The following ODAD2 variants were observed in gnomAD, a reference collection of about 807,000 sequenced individuals.
ODAD2 encodes outer dynein arm-docking complex subunit 2.
ODAD2 carries 89 observed loss-of-function variants against 106.8 expected under a neutral mutation model. That is an observed-to-expected ratio of 0.83 (90% CI 0.70 to 0.99). The LOEUF (loss-of-function observed/expected upper bound fraction) is 0.99, where lower values mean the gene tolerates loss of function less well. Among genes scored for constraint, ODAD2 ranks in the 50% least tolerant of loss-of-function variants. The probability of loss-of-function intolerance (pLI) is 0.00; values close to 1 mark genes in which losing one functional copy is unlikely to be tolerated. For synonymous variants in ODAD2, 404 were observed against 436.2 expected (o/e 0.93, Z 0.92); for missense variants, 1,168 against 1,238.5 (o/e 0.94, Z 0.85).
At chr10:27,871,706 T>C (rs1258037058) in intron 17 of ODAD2, among the ~76,000 whole-genome samples, 2 of 152,184 alleles carry the variant, frequency 1.3e-5, no homozygotes, top group African/African-American at 4.8e-5. Context: ...TTCTGTTCCA[T>C]TGGTCTATAT....
intron 17 of ODAD2, among the ~76,000 whole-genome samples, chr10:27,865,464 A>G (rs1564443250): frequency 2.0e-5 from 3 of 152,074 alleles, no homozygotes; most frequent in African/African-American, 7.2e-5. Flanking sequence ...GCTGCCAACT[A>G]AGGTATGCTC....
Position 27,971,265 on chromosome 10 carries a change from T to C in ODAD2, c.985A>G (p.Lys329Glu), listed in dbSNP as rs1330553597. Reference sequence around the variant, plus strand: ...GCTGCTTCTTCCTTCTTGGGGGCTTTGCCAAGCTGATCCTTTTCCTTTTGC... The same window carrying C: ...GCTGCTTCTTCCTTCTTGGGGGCTTCGCCAAGCTGATCCTTTTCCTTTTGC... ...DQQKEKDQLG[K>E]APKKEEAAAL... The change falls in exon 8 of 20, where the codon AAA (lysine) becomes GAA (glutamate). Residue 329 changes from lysine to glutamate, a missense_variant. This residue lies in a region of ODAD2 where 430 missense variants were observed against 452.2 expected (regional missense o/e 0.95). Coordinates refer to ENST00000305242, the MANE Select transcript of ODAD2 (RefSeq NM_018076.5). The C allele has an allele frequency of 3.1e-6, 5 of 1,613,518 alleles. No individual in the cohort carries two copies. Among genetic ancestry groups the C allele is most frequent in the Non-Finnish European group, 3.4e-6 (4 of 1,179,736 alleles).
chr10:27,982,204 G>A (rs1849596211), intron 6 of ODAD2, among the ~76,000 whole-genome samples: 1 of 151,684 alleles, frequency 6.6e-6, no homozygotes, highest in South Asian at 2.1e-4. Flanking sequence ...ATAACTATAT[G>A]TATATAAATA....
intron 6 of ODAD2, among the ~76,000 whole-genome samples, chr10:27,982,751 G>A (rs768438930): frequency 1.3e-5 from 2 of 152,186 alleles, no homozygotes; most frequent in Non-Finnish European, 2.9e-5. Flanking sequence ...TTGTTTCTGA[G>A]TTCCAAATTT....
chr10:27,931,960 C>T (rs533212807), intron 16 of ODAD2, among the ~76,000 whole-genome samples: 1 of 152,048 alleles, frequency 6.6e-6, no homozygotes, highest in East Asian at 1.9e-4. Flanking sequence ...ACCTAACCTA[C>T]TGAACATCAT....
rs374041665 is a variant in ODAD2 at position 27,971,003 on chromosome 10, TAAATAAACAAAC to T, written c.1142+93_1142+104del. ...ATAAATAAATAAATAAATAAATAAA[TAAATAAACAAAC>T]AAACAAAATAAAATAAAATAAAGTT... is the stretch of plus-strand genomic sequence containing the variant. On this transcript the variant is annotated intron_variant, in intron 8 of 19. Transcript: ENST00000305242. The T allele has an allele frequency of 0.018, 7,628 of 430,402 alleles. 328 individuals carry two copies. Among genetic ancestry groups the T allele is most frequent in the Admixed American group, 0.087 (1,800 of 20,748 alleles). The allele number at this position is 430,402 out of a possible 1,614,324, so 26.7% of individuals were successfully genotyped here. A position where few individuals can be genotyped will look rare whatever the true frequency, so the allele number is the denominator to read the frequency against.
intron 3 of ODAD2, among the ~76,000 whole-genome samples, chr10:27,986,513 C>A (rs1849882674): frequency 6.6e-6 from 1 of 152,122 alleles, no homozygotes; most frequent in Non-Finnish European, 1.5e-5. Context: ...TTGATACCCT[C>A]GCCTAATAAG....
intron 17 of ODAD2, among the ~76,000 whole-genome samples, chr10:27,900,980 C>T (rs1161679886): frequency 2.6e-5 from 4 of 152,074 alleles, no homozygotes; most frequent in African/African-American, 2.4e-5. Flanking sequence ...AAAGATACTC[C>T]TCGAGAAGAA....
Position 27,936,768 on chromosome 10 carries a change from C to T in ODAD2, c.2210G>A (p.Gly737Glu), listed in dbSNP as rs1473999696. 2.5e-6 allele frequency: 4 copies of T among 1,613,932 alleles called. No homozygotes were observed. The highest frequency in any genetic ancestry group is 3.4e-6 in the Non-Finnish European group (4 of 1,179,934). ...GCTGATGGAACATTTCCATATAGCC[C>T]CTGTGACAGCAGCTAACCGCTCTTT... The part of the protein sequence containing the change: ...DNKERLAAVT[G>E]AIWKCSISKE... Residue 737 changes from glycine (G) to glutamate (E), a missense_variant, in exon 15 of 20, where the codon GGG (glycine) becomes GAG (glutamate). By Grantham distance (98) the Gly-to-Glu change is moderately conservative. Coordinates refer to ENST00000305242, the MANE Select transcript of ODAD2 (RefSeq NM_018076.5).
chr10:27,958,431 G>A (rs1847883405), intron 10 of ODAD2, among the ~76,000 whole-genome samples: 1 of 152,154 alleles, frequency 6.6e-6, no homozygotes, highest in Admixed American at 6.5e-5. Flanking sequence ...CTCACTCCGT[G>A]CCTGCCCCAT....
chr10:27,949,560 G>A (rs570891769), intron 10 of ODAD2, among the ~76,000 whole-genome samples: 19 of 152,340 alleles, frequency 1.2e-4, no homozygotes, highest in Non-Finnish European at 2.2e-4. Context: ...GGGGAGTAGA[G>A]CATGGCATGC....
chr10:27,923,484 A>G (rs1164379779), intron 16 of ODAD2, among the ~76,000 whole-genome samples: 8 of 152,222 alleles, frequency 5.3e-5, no homozygotes, highest in African/African-American at 1.7e-4. Context: ...CACCTACTAT[A>G]GAAGATGTAA....
At chr10:27,832,235 C>A (rs2133011932) in intron 19 of ODAD2, among the ~76,000 whole-genome samples, 1 of 152,352 alleles carries the variant, frequency 6.6e-6, no homozygotes, top group South Asian at 2.1e-4. Flanking sequence ...CTCTGGTACA[C>A]AATGAAACTT....
intron 7 of ODAD2, among the ~76,000 whole-genome samples, chr10:27,979,640 A>G (rs1296642105): frequency 2.6e-5 from 4 of 152,160 alleles, no homozygotes; most frequent in Admixed American, 1.3e-4. Flanking sequence ...AAATAATAAA[A>G]TGTTAATGAG....
At chr10:27,894,987 C>G (rs7070860) in intron 17 of ODAD2, among the ~76,000 whole-genome samples, 99,031 of 149,150 alleles carry the variant, frequency 0.66, 33,158 homozygotes, top group Middle Eastern at 0.74. Flanking sequence ...ATTAGACAGG[C>G]ATATGGAAAG....
At position 27,861,141 on chromosome 10, in the gene ODAD2, G is replaced by A. The variant is rs540794717; in HGVS notation, c.2800-295C>T. 2.6e-4 allele frequency among the ~76,000 whole-genome samples: 39 copies of A among 152,202 alleles called. No individual in the cohort carries two copies. In the South Asian group the frequency reaches 6.0e-3, roughly 23 times the overall value. ...CAAGTAGCTGAGATTACAGGTGCCC[G>A]CCACCACACCTGGCTAATTTTTGTA... On this transcript the variant is annotated intron_variant, in intron 18 of 19. Coordinates refer to ENST00000305242, the MANE Select transcript of ODAD2 (RefSeq NM_018076.5).
intron 19 of ODAD2, 130 bp downstream of exon 19, chr10:27,860,495 C>A: frequency 1.3e-6 from 1 of 777,522 alleles, no homozygotes. Context: ...TTGAATGCAG[C>A]CATGATGCAG....
intron 17 of ODAD2, among the ~76,000 whole-genome samples, chr10:27,885,821 A>T (rs377365689): frequency 2.0e-4 from 15 of 74,844 alleles, no homozygotes; most frequent in Middle Eastern, 6.4e-3. Context: ...ATTATATATA[A>T]TATATAAATA....
intron 17 of ODAD2, among the ~76,000 whole-genome samples, chr10:27,906,535 C>G (rs1279451141): frequency 6.6e-6 from 1 of 152,166 alleles, no homozygotes; most frequent in Non-Finnish European, 1.5e-5. Flanking sequence ...GATTATAAAT[C>G]ATTCTACTAT....
Sources: gnomAD v4.1 joint callset for allele counts (sites outside exome capture counted in the v4.1 genomes callset) on GRCh38, gnomAD v4.1.1 for gene constraint, gnomAD v4.1.1 regional missense constraint, MANE v1.5 for transcripts, NCBI Gene and HGNC (gene_info 2026-07-23, HGNC 2026-07-21) for gene names.